Variants in ZBTB16 observed in about 807,000 individuals in gnomAD.
ZBTB16 encodes the protein zinc finger and BTB domain-containing protein 16.
ZBTB16 carries 8 observed loss-of-function variants against 56.8 expected under a neutral mutation model. The ratio of observed to expected loss-of-function variants is 0.14; its 90% confidence interval spans 0.08 to 0.25. ZBTB16 has a LOEUF of 0.25. Ranked by LOEUF, ZBTB16 falls within the 10% of genes least tolerant of loss-of-function variation. ZBTB16 has a pLI of 1.00. For missense variants in ZBTB16, 625 were observed against 903.0 expected (o/e 0.69, Z 3.95); for synonymous variants, 363 against 368.5 (o/e 0.98, Z 0.17).
rs58946694 is a variant in ZBTB16, at chr11:114,167,232, G to GTTTTT, written c.1366+10815_1366+10819dup. ...GGATTTGTGGTTTTTTTTTTTTTTG[G>GTTTTT]TTTTTTTTTTTTTTTTTTTTTGACA... On this transcript the variant is annotated intron_variant, in intron 3 of 6. Transcript: ENST00000335953. Among the ~76,000 whole-genome samples, 499 of 88,698 alleles carry GTTTTT rather than the reference G, an allele frequency of 5.6e-3. 89 individuals are homozygous for GTTTTT. Among genetic ancestry groups the GTTTTT allele is most frequent in the Admixed American group, 7.8e-3 (53 of 6,780 alleles). The allele number at this position is 88,698 out of a possible 152,430, so 58.2% of individuals were successfully genotyped here. A position where few individuals can be genotyped will look rare whatever the true frequency, so the allele number is the denominator to read the frequency against.
chr11:114,168,875 G>T (rs1942871667), intron 3 of ZBTB16, among the ~76,000 whole-genome samples: 1 of 152,202 alleles, frequency 6.6e-6, no homozygotes, highest in Non-Finnish European at 1.5e-5. Context: ...AGCAGGTGTG[G>T]CTTATTAGCC....
rs528594910 is a variant in ZBTB16, at chr11:114,208,908, G to A, written c.1453+21870G>A. Among the ~76,000 whole-genome samples the A allele has an allele frequency of 8.5e-5, 13 of 152,302 alleles. No homozygotes were observed. The South Asian group carries it at 1.5e-3, about 17-fold the overall frequency. On this transcript the variant is annotated intron_variant, in intron 4 of 6. Coordinates refer to ENST00000335953, the MANE Select transcript of ZBTB16 (RefSeq NM_006006.6). Reference sequence around the variant, plus strand: ...TAAGGTTTTTGATTCGGCGTCATCCGAATGGGTCAATGAGACAGATTCCAC... The same window carrying A: ...TAAGGTTTTTGATTCGGCGTCATCCAAATGGGTCAATGAGACAGATTCCAC...
At chr11:114,237,027 G>A (rs571508388) in intron 4 of ZBTB16, among the ~76,000 whole-genome samples, 1 of 152,338 alleles carries the variant, frequency 6.6e-6, no homozygotes, top group East Asian at 1.9e-4. Flanking sequence ...TTAGGCATGT[G>A]TATTGTGCAG....
At chr11:114,139,469 G>C (rs879770391) in intron 2 of ZBTB16, among the ~76,000 whole-genome samples, 1 of 152,090 alleles carries the variant, frequency 6.6e-6, no homozygotes, top group East Asian at 1.9e-4. Flanking sequence ...GTTTCTTGAC[G>C]ATTTTCTAAA....
At chr11:114,152,967 TGTG>T (rs1422301162) in intron 2 of ZBTB16, among the ~76,000 whole-genome samples, 3 of 152,184 alleles carry the variant, frequency 2.0e-5, no homozygotes, top group Non-Finnish European at 4.4e-5. Flanking sequence ...AGTTGCATAA[TGTG>T]GTGATGGTAG....
chr11:114,191,118 G>A (rs1256071792), intron 4 of ZBTB16, among the ~76,000 whole-genome samples: 1 of 152,136 alleles, frequency 6.6e-6, no homozygotes. Context: ...CAAGAGGTTG[G>A]TGCTAAACCA....
At chr11:114,155,078 T>C (rs1942374449) in intron 2 of ZBTB16, among the ~76,000 whole-genome samples, 1 of 152,216 alleles carries the variant, frequency 6.6e-6, no homozygotes, top group African/African-American at 2.4e-5. Context: ...CCTGCAGTTT[T>C]ATCTGTTGTC....
At chr11:114,099,797 A>G (rs180934472) in intron 2 of ZBTB16, among the ~76,000 whole-genome samples, 25 of 127,308 alleles carry the variant, frequency 2.0e-4, no homozygotes, top group African/African-American at 6.0e-4. Flanking sequence ...GATTCAGTAG[A>G]AAAAAATACA....
At chr11:114,073,428 T>A (rs1939425827) in intron 2 of ZBTB16, among the ~76,000 whole-genome samples, 1 of 152,194 alleles carries the variant, frequency 6.6e-6, no homozygotes, top group African/African-American at 2.4e-5. Context: ...TTCTACTGTT[T>A]CCCCTTAAAA....
intron 2 of ZBTB16, among the ~76,000 whole-genome samples, chr11:114,145,448 A>G (rs1372089496): frequency 1.3e-5 from 2 of 152,274 alleles, no homozygotes; most frequent in African/African-American, 4.8e-5. Flanking sequence ...TAAACAAAGT[A>G]TGGTATATCC....
intron 4 of ZBTB16, among the ~76,000 whole-genome samples, chr11:114,233,079 G>GCACA (rs781149248): frequency 1.6e-3 from 85 of 53,736 alleles, no homozygotes; most frequent in African/African-American, 4.7e-3. Context: ...GCGCGCGCGC[G>GCACA]CGCACACACA....
chr11:114,196,390 A>G (rs938137748), intron 4 of ZBTB16, among the ~76,000 whole-genome samples: 1 of 152,052 alleles, frequency 6.6e-6, no homozygotes, highest in Admixed American at 6.6e-5. Flanking sequence ...TTTCGCCAGT[A>G]AGAAAAAAGA....
rs562262687 is a variant in ZBTB16 at position 114,250,906 on chromosome 11, G to A, written c.*351G>A. On this transcript the variant is annotated 3_prime_UTR_variant, in exon 7 of 7. Coordinates refer to ENST00000335953, the MANE Select transcript of ZBTB16 (RefSeq NM_006006.6). This position sits in a 1 kb window ranked among gnomAD's most constrained non-coding sequence, Gnocchi z 6.0. ...AATGGAGGCTAGAAAGCAGGTGAGA[G>A]GTCCTCTGGTCAGAGCCACACGGTC... Among the ~76,000 whole-genome samples, 1 of 152,272 alleles carries A rather than the reference G, an allele frequency of 6.6e-6. No individual in the cohort carries two copies. The highest frequency in any genetic ancestry group is 2.4e-5 in the African/African-American group (1 of 41,546).
intron 2 of ZBTB16, among the ~76,000 whole-genome samples, chr11:114,084,748 G>A (rs1047296022): frequency 2.0e-5 from 3 of 152,202 alleles, no homozygotes; most frequent in Non-Finnish European, 4.4e-5. Flanking sequence ...AGGCCTTATT[G>A]CTCAGGATCA....
At chr11:114,131,230 A>G (rs1314915665) in intron 2 of ZBTB16, among the ~76,000 whole-genome samples, 1 of 152,140 alleles carries the variant, frequency 6.6e-6, no homozygotes, top group African/African-American at 2.4e-5. Flanking sequence ...TAGTGGGTAG[A>G]GGCTGGGGCT....
chr11:114,234,833 T>C (rs1454483844), intron 4 of ZBTB16, among the ~76,000 whole-genome samples: 3 of 152,196 alleles, frequency 2.0e-5, no homozygotes, highest in African/African-American at 7.2e-5. Context: ...TCTTTCTCTC[T>C]TGCCGAGTGG....
At chr11:114,201,045 G>T (rs1943725921) in intron 4 of ZBTB16, among the ~76,000 whole-genome samples, 1 of 152,160 alleles carries the variant, frequency 6.6e-6, no homozygotes, top group African/African-American at 2.4e-5. Context: ...AAATTGCAGG[G>T]TTTGCTATAA....
intron 4 of ZBTB16, 164 bp downstream of exon 4, chr11:114,187,202 CT>C (rs1943380612): frequency 1.4e-6 from 1 of 729,430 alleles, no homozygotes; most frequent in African/African-American, 1.7e-5. Context: ...CTACTCTTGT[CT>C]GTGTGGCTGG....
At chr11:114,113,302 C>T (rs1186562145) in intron 2 of ZBTB16, among the ~76,000 whole-genome samples, 1 of 152,168 alleles carries the variant, frequency 6.6e-6, no homozygotes, top group Non-Finnish European at 1.5e-5. Context: ...TCCTCCTATA[C>T]GTTCTTCTGG....
Sources: gnomAD v4.1 joint callset for allele counts (sites outside exome capture counted in the v4.1 genomes callset) on GRCh38, gnomAD v4.1.1 for gene constraint, Gnocchi (gnomAD v3.1) non-coding constraint, MANE v1.5 for transcripts, NCBI Gene and HGNC (gene_info 2026-07-23, HGNC 2026-07-21) for gene names.